EPHA3: variants seen among roughly 807,000 people sequenced by gnomAD.
EPHA3 encodes EPH receptor A3, also known as ephrin type-A receptor 3.
EPHA3 carries 42 observed loss-of-function variants against 107.1 expected under a neutral mutation model. That is an observed-to-expected ratio of 0.39 (90% CI 0.31 to 0.51). The LOEUF (loss-of-function observed/expected upper bound fraction) is 0.51. EPHA3 is among the 20% of genes least tolerant of loss of function. The pLI is 0.78. For missense variants in EPHA3, 1,183 were observed against 1,211.2 expected, an observed-to-expected ratio of 0.98 and a Z score of 0.35; for synonymous variants, 461 against 424.8, an observed-to-expected ratio of 1.09 and a Z score of -1.05.
At chr3:89,324,333 AT>A (rs199592581) in intron 3 of EPHA3, among the ~76,000 whole-genome samples, 5 of 148,552 alleles carry the variant, frequency 3.4e-5, no homozygotes, top group African/African-American at 7.4e-5. Flanking sequence ...ATGCCGTGCT[AT>A]TTTTTTTTGT....
intron 5 of EPHA3, among the ~76,000 whole-genome samples, chr3:89,359,834 C>CATATATATACATATATATACACAT (rs1559663778): frequency 2.3e-4 from 20 of 87,208 alleles, no homozygotes; most frequent in Non-Finnish European, 4.5e-4. Context: ...TATATATATA[C>CATATATATACATATATATACACAT]ATATATATAT....
chr3:89,206,158 A>G (rs1378156102), intron 2 of EPHA3, among the ~76,000 whole-genome samples: 1 of 152,168 alleles, frequency 6.6e-6, no homozygotes, highest in East Asian at 1.9e-4. Flanking sequence ...TAATGAAGTG[A>G]TAATTGCTCC....
intron 3 of EPHA3, among the ~76,000 whole-genome samples, chr3:89,211,729 TTCTTCTTCTTCTCCTTCTTCTTCTTCTTC>T (rs1704095485): frequency 9.7e-5 from 1 of 10,294 alleles, no homozygotes; most frequent in Non-Finnish European, 2.5e-4. Context: ...CTTCTTTTTC[TTCTTCTTCTTCTCCTTCTTCTTCTTCTTC>T]TTCTTCTTCT....
chr3:89,229,894 T>C (rs1344385263), intron 3 of EPHA3, among the ~76,000 whole-genome samples: 1 of 152,042 alleles, frequency 6.6e-6, no homozygotes, highest in Non-Finnish European at 1.5e-5. Flanking sequence ...TAGATTCCAT[T>C]GGGTGCATTT....
intron 3 of EPHA3, among the ~76,000 whole-genome samples, chr3:89,228,877 G>T (rs1704562136): frequency 6.6e-6 from 1 of 151,896 alleles, no homozygotes; most frequent in Non-Finnish European, 1.5e-5. Context: ...GATTCACAGA[G>T]ACTTCCCAAG....
At chr3:89,175,246 T>C (rs1466930397) in intron 2 of EPHA3, among the ~76,000 whole-genome samples, 2 of 152,062 alleles carry the variant, frequency 1.3e-5, no homozygotes, top group Non-Finnish European at 2.9e-5. Context: ...TAATTTACAG[T>C]GTGGTAAAAC....
At chr3:89,298,757 G>A (rs185555082) in intron 3 of EPHA3, among the ~76,000 whole-genome samples, 2 of 152,152 alleles carry the variant, frequency 1.3e-5, no homozygotes, top group South Asian at 2.1e-4. Flanking sequence ...TTAACATGGA[G>A]TACATATATG....
At chr3:89,372,568 G>A (rs1708328620) in intron 5 of EPHA3, among the ~76,000 whole-genome samples, 1 of 151,584 alleles carries the variant, frequency 6.6e-6, no homozygotes, top group Admixed American at 6.6e-5. Context: ...GGTTTTGATT[G>A]CCAACCTATG....
intron 3 of EPHA3, among the ~76,000 whole-genome samples, chr3:89,323,342 C>A (rs527443166): frequency 6.6e-6 from 1 of 151,990 alleles, no homozygotes; most frequent in Non-Finnish European, 1.5e-5. Context: ...CAAACTAAAG[C>A]GTGAGGAGGC....
intron 2 of EPHA3, among the ~76,000 whole-genome samples, chr3:89,197,007 T>A (rs1187330587): frequency 2.6e-5 from 4 of 152,206 alleles, no homozygotes; most frequent in Non-Finnish European, 5.9e-5. Context: ...CACTCCTTGC[T>A]GTTTCTCTTC....
intron 15 of EPHA3, among the ~76,000 whole-genome samples, chr3:89,469,292 T>A (rs1710354914): frequency 6.6e-6 from 1 of 152,184 alleles, no homozygotes. Context: ...GGACTATTAA[T>A]CTATATTTTC....
chr3:89,412,013 C>T (rs1709162695), intron 9 of EPHA3, among the ~76,000 whole-genome samples: 1 of 151,862 alleles, frequency 6.6e-6, no homozygotes, highest in Admixed American at 6.6e-5. Context: ...ATATTCTGTG[C>T]TATGAATGTT....
chr3:89,249,099 G>C (rs1276568330), intron 3 of EPHA3, among the ~76,000 whole-genome samples: 3 of 152,176 alleles, frequency 2.0e-5, no homozygotes, highest in Non-Finnish European at 4.4e-5. Flanking sequence ...AGTGACTAAT[G>C]CCACTTTTGG....
chr3:89,114,741 G>A (rs1707213815), intron 1 of EPHA3, among the ~76,000 whole-genome samples: 1 of 152,206 alleles, frequency 6.6e-6, no homozygotes, highest in Admixed American at 6.5e-5. Context: ...GCGCCAGGAG[G>A]AGACTGGAGC....
At chr3:89,202,594 C>A (rs1279011278) in intron 2 of EPHA3, among the ~76,000 whole-genome samples, 1 of 146,172 alleles carries the variant, frequency 6.8e-6, no homozygotes, top group East Asian at 2.0e-4. Flanking sequence ...TTTTACTATA[C>A]ACAATTTCTA....
chr3:89,343,454 G>A lies in EPHA3; in HGVS notation c.1306+1364G>A, dbSNP rs142482128. ...TAGTCCCCTAAGCTCAGTATGTCAG[G>A]TCCATCTCCATTCTCCCCATCATTC... On this transcript the variant is annotated intron_variant, in intron 5 of 16. Coordinates refer to ENST00000336596, the MANE Select transcript of EPHA3 (RefSeq NM_005233.6). Among the ~76,000 whole-genome samples, 744 of 152,176 alleles carry A rather than the reference G, an allele frequency of 4.9e-3. 7 individuals carry two copies. The highest frequency in any genetic ancestry group is 0.017 in the African/African-American group (704 of 41,520).
chr3:89,250,146 T>A (rs2107261492), intron 3 of EPHA3, among the ~76,000 whole-genome samples: 1 of 152,332 alleles, frequency 6.6e-6, no homozygotes, highest in African/African-American at 2.4e-5. Flanking sequence ...GGACGGTCAC[T>A]TTTGATTTAA....
At chr3:89,137,129 A>G (rs185016280) in intron 2 of EPHA3, among the ~76,000 whole-genome samples, 9 of 152,146 alleles carry the variant, frequency 5.9e-5, no homozygotes, top group African/African-American at 2.2e-4. Context: ...AGTGTATGGC[A>G]GACTGAATAG....
chr3:89,427,635 T>C lies in EPHA3; in HGVS notation c.2075-1471T>C, dbSNP rs114819317. ...ATAAAGTAAGGGAATTACAGTGTGG[T>C]AATATGTATAGGTTTTGAAATTAGA... On this transcript the variant is annotated intron_variant, in intron 11 of 16. Transcript: ENST00000336596. 8.2e-3 allele frequency among the ~76,000 whole-genome samples: 1,243 copies of C among 152,054 alleles called. 14 individuals carry two copies. Among genetic ancestry groups the C allele is most frequent in the African/African-American group, 0.024 (992 of 41,544 alleles).
Sources: gnomAD v4.1 joint callset for allele counts (sites outside exome capture counted in the v4.1 genomes callset) on GRCh38, gnomAD v4.1.1 for gene constraint, MANE v1.5 for transcripts, NCBI Gene and HGNC (gene_info 2026-07-23, HGNC 2026-07-21) for gene names.